The following PLCL1 variants were observed in gnomAD, a reference collection of about 807,000 sequenced individuals.
The protein encoded by PLCL1 is inactive phospholipase C-like protein 1.
Under a neutral mutation model 84.4 loss-of-function variants are expected in PLCL1, and 41 were observed. The ratio of observed to expected loss-of-function variants is 0.49; its 90% CI spans 0.38 to 0.63. The LOEUF is 0.63. PLCL1 is among the 30% of genes least tolerant of loss of function. PLCL1 has a pLI of 0.00. For synonymous variants in PLCL1, 490 were observed against 488.3 expected, an observed-to-expected ratio of 1.00 and a Z score of -0.05; for missense variants, 1,206 against 1,367.8, an observed-to-expected ratio of 0.88 and a Z score of 1.87.
At chr2:197,845,299 G>A (rs1453720197) in intron 1 of PLCL1, among the ~76,000 whole-genome samples, 1 of 152,118 alleles carries the variant, frequency 6.6e-6, no homozygotes. Context: ...CATGCTAAGT[G>A]TGTGTAATTG....
At chr2:197,989,723 CA>C (rs914578024) in intron 1 of PLCL1, among the ~76,000 whole-genome samples, 9 of 150,054 alleles carry the variant, frequency 6.0e-5, no homozygotes, top group African/African-American at 2.2e-4. Flanking sequence ...CAAAACAAAA[CA>C]AAAAACAAAA....
chr2:197,819,464 G>A (rs1192048232), intron 1 of PLCL1, among the ~76,000 whole-genome samples: 2 of 152,104 alleles, frequency 1.3e-5, no homozygotes, highest in Admixed American at 6.6e-5. Context: ...TAGAGAAACA[G>A]AGAGGATCTG....
chr2:198,047,333 G>A (rs1271652673), intron 1 of PLCL1, among the ~76,000 whole-genome samples: 4 of 152,070 alleles, frequency 2.6e-5, no homozygotes, highest in South Asian at 2.1e-4. Flanking sequence ...ACAGGTGCAC[G>A]CCACCAGGCC....
intron 1 of PLCL1, among the ~76,000 whole-genome samples, chr2:198,063,579 G>A (rs1196229898): frequency 6.6e-6 from 1 of 152,132 alleles, no homozygotes; most frequent in Non-Finnish European, 1.5e-5. Flanking sequence ...CTGAAAAGAG[G>A]AAAATAATGT....
intron 1 of PLCL1, among the ~76,000 whole-genome samples, chr2:198,036,818 T>C (rs1691560371): frequency 7.3e-6 from 1 of 137,234 alleles, no homozygotes; most frequent in Non-Finnish European, 1.7e-5. Flanking sequence ...GCAAGCAAAG[T>C]AAAAAACATT....
rs541632536 is a variant in PLCL1, at chr2:197,850,079, C to G, written c.240+44740C>G. On this transcript the variant is annotated intron_variant, in intron 1 of 5. Coordinates refer to ENST00000428675, the MANE Select transcript of PLCL1 (RefSeq NM_006226.4). ...ACACACACACACACACACACACACA[C>G]GACTGCAGCCAGGAAGCCTGGCTCA... Among the ~76,000 whole-genome samples, 167 of 145,388 alleles carry G rather than the reference C, an allele frequency of 1.1e-3. 5 individuals are homozygous for G. The South Asian group carries it at 0.036, about 31-fold the overall frequency.
chr2:197,963,143 A>T (rs1458436180), intron 1 of PLCL1, among the ~76,000 whole-genome samples: 1 of 152,044 alleles, frequency 6.6e-6, no homozygotes, highest in African/African-American at 2.4e-5. Flanking sequence ...TTTTTTGAGG[A>T]ACCTCCAAAC....
chr2:198,080,959 T>G (rs1692697448), intron 1 of PLCL1, among the ~76,000 whole-genome samples: 1 of 152,144 alleles, frequency 6.6e-6, no homozygotes, highest in South Asian at 2.1e-4. Flanking sequence ...AGGCTTGGCA[T>G]TCTAGGAGGG....
chr2:198,121,817 G>T (rs1693874245), intron 5 of PLCL1, among the ~76,000 whole-genome samples: 2 of 151,940 alleles, frequency 1.3e-5, no homozygotes, highest in African/African-American at 4.8e-5. Context: ...ATATGCACTG[G>T]ACTGGCAATT....
intron 1 of PLCL1, among the ~76,000 whole-genome samples, chr2:197,834,605 T>A (rs887714135): frequency 1.3e-5 from 2 of 152,158 alleles, no homozygotes; most frequent in Admixed American, 1.3e-4. Flanking sequence ...TGAGATACCA[T>A]CTCACGCCAG....
chr2:198,085,766 T>C lies in PLCL1; in HGVS notation c.2249T>C (p.Val750Ala), dbSNP rs1352781930. Residue 750 changes from valine to alanine, a missense_variant, in exon 2 of 6, where the codon GTT becomes GCT. Coordinates refer to ENST00000428675, the MANE Select transcript of PLCL1 (RefSeq NM_006226.4). The surrounding 1 kb of genome is among the most constrained non-coding windows in gnomAD (Gnocchi z 5.3). ...AAAGGGGATGTCATAGATCCCTATG[T>C]TTGTATAGAGATACACGGAATTCCA... Reference protein sequence around the residue: ...CAKGDVIDPYVCIEIHGIPAD... With the variant: ...CAKGDVIDPYACIEIHGIPAD... 2 of 1,613,012 alleles carry C rather than the reference T, an allele frequency of 1.2e-6. No individual in the cohort carries two copies. Among genetic ancestry groups the C allele is most frequent in the Non-Finnish European group, 1.7e-6 (2 of 1,179,100 alleles).
chr2:197,949,324 T>C (rs1689344799), intron 1 of PLCL1, among the ~76,000 whole-genome samples: 1 of 152,122 alleles, frequency 6.6e-6, no homozygotes, highest in African/African-American at 2.4e-5. Flanking sequence ...AATGAGCAGG[T>C]GGAATCTCTC....
chr2:198,056,787 C>T (rs1692082412), intron 1 of PLCL1, among the ~76,000 whole-genome samples: 1 of 152,158 alleles, frequency 6.6e-6, no homozygotes, highest in African/African-American at 2.4e-5. Context: ...ATGGTTGAGA[C>T]CTCACAGTGT....
chr2:197,944,666 C>T (rs571502388), intron 1 of PLCL1, among the ~76,000 whole-genome samples: 8 of 152,270 alleles, frequency 5.3e-5, no homozygotes, highest in East Asian at 3.9e-4. Context: ...TCTTGCAAGC[C>T]GGTATAAGCC....
In PLCL1 at chr2:197,813,560, A is replaced by G. The variant is rs1045704775; in HGVS notation, c.240+8221A>G. 3.2e-4 allele frequency among the ~76,000 whole-genome samples: 49 copies of G among 152,264 alleles called. 1 individual carries two copies. Among genetic ancestry groups the G allele is most frequent in the South Asian group, 1.7e-3 (8 of 4,832 alleles). ...TTTATTTTTATGTTTAATCTAATATATAAAACACCTAGTAACATCTTGAAT... is the reference window on the plus strand; with the variant it reads ...TTTATTTTTATGTTTAATCTAATATGTAAAACACCTAGTAACATCTTGAAT... On this transcript the variant is annotated intron_variant, in intron 1 of 5. Transcript: ENST00000428675.
At chr2:198,111,051 C>T (rs542440969) in intron 5 of PLCL1, among the ~76,000 whole-genome samples, 211 of 151,884 alleles carry the variant, frequency 1.4e-3, no homozygotes, top group African/African-American at 4.6e-3. Flanking sequence ...AGTGTACAGA[C>T]GCTGCAGCCA....
At chr2:197,896,584 T>C (rs1009138179) in intron 1 of PLCL1, among the ~76,000 whole-genome samples, 4 of 152,038 alleles carry the variant, frequency 2.6e-5, no homozygotes, top group Admixed American at 6.6e-5. Flanking sequence ...TTTTATATGG[T>C]AGATGTGTAA....
chr2:198,109,614 G>A (rs1215265076), intron 5 of PLCL1, among the ~76,000 whole-genome samples: 1 of 151,890 alleles, frequency 6.6e-6, no homozygotes, highest in Non-Finnish European at 1.5e-5. Flanking sequence ...GGAGCAAGAT[G>A]TGGAATTACA....
At chr2:197,950,595 GA>G (rs1238176762) in intron 1 of PLCL1, among the ~76,000 whole-genome samples, 1 of 152,086 alleles carries the variant, frequency 6.6e-6, no homozygotes, top group East Asian at 1.9e-4. Flanking sequence ...GTAACTCCTA[GA>G]ACCAGTGCCT....
Sources: allele counts gnomAD v4.1 joint callset (sites outside exome capture counted in the v4.1 genomes callset), GRCh38; gene constraint gnomAD v4.1.1; non-coding constraint Gnocchi (gnomAD v3.1); transcripts MANE v1.5; gene names NCBI Gene and HGNC (gene_info 2026-07-23, HGNC 2026-07-21).